The following DPYD variants were observed in gnomAD, a reference collection of about 807,000 sequenced individuals.
DPYD encodes the protein dihydropyrimidine dehydrogenase, also known as dihydropyrimidine dehydrogenase [NADP(+)].
A neutral mutation model predicts 116.2 loss-of-function variants in DPYD; 109 were observed. The ratio of observed to expected loss-of-function variants is 0.94; its 90% confidence interval spans 0.80 to 1.10. The LOEUF is 1.10. Among genes scored for constraint, DPYD ranks in the 50% least tolerant of loss-of-function variants. The pLI is 0.00. For synonymous variants in DPYD, 440 were observed against 432.0 expected, an observed-to-expected ratio of 1.02 and a Z score of -0.23; for missense variants, 1,302 against 1,254.5, an observed-to-expected ratio of 1.04 and a Z score of -0.57.
At chr1:97,450,944 A>G (rs1676382037) in intron 13 of DPYD, among the ~76,000 whole-genome samples, 1 of 152,140 alleles carries the variant, frequency 6.6e-6, no homozygotes, top group South Asian at 2.1e-4. Flanking sequence ...GAAGAATAAC[A>G]TTCTTCCATT....
intron 16 of DPYD, among the ~76,000 whole-genome samples, chr1:97,355,147 T>C (rs1570581871): frequency 1.3e-5 from 2 of 152,176 alleles, no homozygotes; most frequent in East Asian, 3.8e-4. Flanking sequence ...GACACACTTA[T>C]TTACTACCTA....
intron 10 of DPYD, among the ~76,000 whole-genome samples, chr1:97,574,328 T>G (rs1206051978): frequency 1.3e-5 from 2 of 152,112 alleles, no homozygotes; most frequent in Non-Finnish European, 2.9e-5. Flanking sequence ...TTAATCATGC[T>G]GCATATTAAA....
At chr1:97,332,619 C>T (rs1287653108) in intron 16 of DPYD, among the ~76,000 whole-genome samples, 1 of 152,084 alleles carries the variant, frequency 6.6e-6, no homozygotes, top group Non-Finnish European at 1.5e-5. Flanking sequence ...GATAGTGGTG[C>T]CTTGTCATGT....
intron 10 of DPYD, among the ~76,000 whole-genome samples, chr1:97,582,712 T>C (rs534060370): frequency 1.3e-5 from 2 of 152,332 alleles, no homozygotes; most frequent in Middle Eastern, 3.4e-3. Flanking sequence ...TTCATTCACA[T>C]ATAGAATGTT....
intron 18 of DPYD, among the ~76,000 whole-genome samples, chr1:97,279,531 G>A (rs1665168435): frequency 2.0e-5 from 3 of 151,196 alleles, no homozygotes; most frequent in East Asian, 3.9e-4. Flanking sequence ...GTTTACTTGA[G>A]ATGGAGTCTG....
At chr1:97,551,252 G>A (rs1002796108) in intron 11 of DPYD, among the ~76,000 whole-genome samples, 3 of 152,056 alleles carry the variant, frequency 2.0e-5, no homozygotes, top group African/African-American at 7.2e-5. Flanking sequence ...GGCATTTTAA[G>A]GAAATTTTTC....
intron 2 of DPYD, among the ~76,000 whole-genome samples, chr1:97,844,938 G>T (rs1670218519): frequency 6.6e-6 from 1 of 152,230 alleles, no homozygotes; most frequent in African/African-American, 2.4e-5. Context: ...ACCTGGCTGG[G>T]TGTGCACACA....
At chr1:97,683,840 T>C (rs1660561938) in intron 7 of DPYD, among the ~76,000 whole-genome samples, 3 of 151,948 alleles carry the variant, frequency 2.0e-5, no homozygotes, top group Admixed American at 2.0e-4. Flanking sequence ...GAAAATACTA[T>C]CCTACATAAC....
intron 5 of DPYD, among the ~76,000 whole-genome samples, chr1:97,704,414 GTAAGTTAA>G (rs1661784127): frequency 1.3e-5 from 2 of 151,726 alleles, no homozygotes; most frequent in Non-Finnish European, 2.9e-5. Flanking sequence ...AATAGATTGT[GTAAGTTAA>G]AAAAAAGAGG....
chr1:97,596,852 G>C (rs986152243), intron 8 of DPYD, among the ~76,000 whole-genome samples: 7 of 152,250 alleles, frequency 4.6e-5, no homozygotes, highest in African/African-American at 1.7e-4. Context: ...GCTCATAAAT[G>C]ATTTTAAAAG....
intron 13 of DPYD, among the ~76,000 whole-genome samples, chr1:97,506,228 T>TTTC (rs1237950274): frequency 6.6e-6 from 1 of 151,944 alleles, no homozygotes; most frequent in African/African-American, 2.4e-5. Context: ...GTATAAAGTA[T>TTTC]TTAAAATGAG....
chr1:97,367,036 T>C (rs1451511736), intron 16 of DPYD, among the ~76,000 whole-genome samples: 2 of 152,104 alleles, frequency 1.3e-5, no homozygotes, highest in African/African-American at 4.8e-5. Flanking sequence ...GCTGTGGTCA[T>C]TGCTCCCTGG....
intron 8 of DPYD, among the ~76,000 whole-genome samples, chr1:97,669,216 G>C (rs1259960658): frequency 6.6e-6 from 1 of 152,024 alleles, no homozygotes; most frequent in African/African-American, 2.4e-5. Flanking sequence ...TTTTGAGATA[G>C]GAAAGTAAAT....
At chr1:97,554,409 G>A (rs1651539894) in intron 11 of DPYD, among the ~76,000 whole-genome samples, 1 of 152,066 alleles carries the variant, frequency 6.6e-6, no homozygotes, top group South Asian at 2.1e-4. Context: ...AGAGTTTGAT[G>A]TGTTATAAAA....
At chr1:97,091,519 A>G (rs892076845) in intron 21 of DPYD, among the ~76,000 whole-genome samples, 11 of 152,188 alleles carry the variant, frequency 7.2e-5, no homozygotes, top group Non-Finnish European at 1.0e-4. Context: ...TGTCTGATTC[A>G]TGTGCAGACA....
intron 11 of DPYD, among the ~76,000 whole-genome samples, chr1:97,561,606 A>T (rs1652151179): frequency 6.6e-6 from 1 of 152,222 alleles, no homozygotes; most frequent in Non-Finnish European, 1.5e-5. Context: ...TGTGTGTAGC[A>T]AACATATTTA....
intron 20 of DPYD, among the ~76,000 whole-genome samples, chr1:97,142,669 A>G (rs1462768898): frequency 6.6e-6 from 1 of 152,044 alleles, no homozygotes; most frequent in African/African-American, 2.4e-5. Flanking sequence ...TTTTTTACAG[A>G]AAAATAGCAA....
intron 10 of DPYD, among the ~76,000 whole-genome samples, chr1:97,578,440 C>T (rs1237886312): frequency 6.6e-6 from 1 of 151,954 alleles, no homozygotes; most frequent in African/African-American, 2.4e-5. Flanking sequence ...GCCTTAGGCA[C>T]ACTGCTGCTT....
chr1:97,257,452 T>TATATATATATAGAGAGAG (rs375490078), intron 18 of DPYD, among the ~76,000 whole-genome samples: 1,508 of 126,210 alleles, frequency 0.012, 21 homozygotes, highest in South Asian at 0.041. Flanking sequence ...TATATATATA[T>TATATATATATAGAGAGAG]AGAGAGAGAG....
Sources: gnomAD v4.1 joint callset for allele counts (sites outside exome capture counted in the v4.1 genomes callset) on GRCh38, gnomAD v4.1.1 for gene constraint, MANE v1.5 for transcripts, NCBI Gene and HGNC (gene_info 2026-07-23, HGNC 2026-07-21) for gene names.